The following OCA2 variants were observed in gnomAD, a reference collection of about 807,000 sequenced individuals.
OCA2 encodes the protein OCA2 melanosomal transmembrane protein.
OCA2 carries 77 observed loss-of-function variants against 100.2 expected under a neutral mutation model. The ratio of observed to expected loss-of-function variants is 0.77; its 90% confidence interval spans 0.64 to 0.93. OCA2 has a LOEUF of 0.93. OCA2 is among the 40% of genes least tolerant of loss of function. The pLI is 0.00. For synonymous variants in OCA2, 432 were observed against 439.2 expected (o/e 0.98, Z 0.21); for missense variants, 1,062 against 1,089.1 (o/e 0.98, Z 0.35).
rs748692597 is a variant in OCA2 at position 27,983,470 on chromosome 15, G to C, written c.1378C>G (p.Leu460Val). ...TPVTIRLCEV[L>V]NLDPRQVLIA... ...AGGACTTGTCTTGGATCAAGGTTGAGCACCTCACACAACCTGTCACAAATG... is the reference window on the plus strand; with the variant it reads ...AGGACTTGTCTTGGATCAAGGTTGACCACCTCACACAACCTGTCACAAATG... The change falls in exon 14 of 24, where the codon CTC (leucine) becomes GTC (valine). Residue 460 changes from leucine (L) to valine (V), a missense_variant. By Grantham distance (32) the Leu-to-Val change is conservative. Transcript: ENST00000354638. 7 of 1,614,208 alleles carry C rather than the reference G, an allele frequency of 4.3e-6. No individual in the cohort carries two copies. The East Asian group carries it at 1.6e-4, about 36-fold the overall frequency.
intron 9 of OCA2, among the ~76,000 whole-genome samples, chr15:27,995,855 C>T (rs1315034370): frequency 1.3e-5 from 2 of 151,032 alleles, no homozygotes; most frequent in African/African-American, 4.9e-5. Context: ...CTCTGTCACC[C>T]AGGCTGGAGT....
chr15:27,989,396 G>A (rs948698763), intron 11 of OCA2, among the ~76,000 whole-genome samples: 2 of 152,190 alleles, frequency 1.3e-5, no homozygotes, highest in African/African-American at 4.8e-5. Context: ...CGTCAGACAC[G>A]CCTTGGGCTG....
intron 21 of OCA2, among the ~76,000 whole-genome samples, chr15:27,865,810 C>T (rs1187263092): frequency 2.0e-5 from 3 of 152,118 alleles, no homozygotes; most frequent in Admixed American, 6.5e-5. Context: ...TGCAGAGGGA[C>T]GCATGACTGC....
Position 28,016,054 on chromosome 15 carries a change from G to A in OCA2, c.890+50C>T, listed in dbSNP as rs891497783. 4.8e-6 allele frequency: 7 copies of A among 1,446,432 alleles called. No individual in the cohort carries two copies. In the African/African-American group the frequency reaches 7.0e-5, roughly 14 times the overall value. 89.6% of individuals were successfully genotyped at this position (1,446,432 alleles called of 1,614,324 possible). On this transcript the variant is annotated intron_variant, in intron 8 of 23. Transcript: ENST00000354638. ...TCCTATAGGTCAGACTCCTTTAAAC[G>A]CACGTGTCCCAGAGAGCCTGCCCCA...
chr15:27,920,979 G>C (rs2038835827), intron 19 of OCA2, among the ~76,000 whole-genome samples: 2 of 149,268 alleles, frequency 1.3e-5, no homozygotes, highest in East Asian at 4.3e-4. Flanking sequence ...AGGAATCCCA[G>C]AAAAGGAAGA....
intron 1 of OCA2, among the ~76,000 whole-genome samples, chr15:28,092,890 G>C (rs922459356): frequency 1.3e-5 from 2 of 152,086 alleles, no homozygotes; most frequent in African/African-American, 4.8e-5. Context: ...AAGACATAGA[G>C]CTAACATTAC....
chr15:27,799,743 TA>T (rs35856122), intron 23 of OCA2, among the ~76,000 whole-genome samples: 2,299 of 84,678 alleles, frequency 0.027, 62 homozygotes, highest in African/African-American at 0.083. Flanking sequence ...AGACTCCGTC[TA>T]AAAAAAAAAA....
At chr15:27,937,122 A>C (rs1325854830) in intron 18 of OCA2, among the ~76,000 whole-genome samples, 1 of 152,178 alleles carries the variant, frequency 6.6e-6, no homozygotes, top group East Asian at 1.9e-4. Context: ...TCTGCCCTTC[A>C]CAACCAGAGA....
chr15:27,892,298 G>A (rs529826324), intron 19 of OCA2, among the ~76,000 whole-genome samples: 56 of 151,684 alleles, frequency 3.7e-4, no homozygotes, highest in African/African-American at 1.3e-3. Flanking sequence ...TTACCAAGAT[G>A]TATCATATTC....
Position 28,032,154 on chromosome 15 carries a change from A to C in OCA2, c.237T>G (p.Ser79=). ...TGGAGCTGGACATCTGGGGCAAAGA[A>C]GAGTGAGACCTGAAAGAGACAGGGT... is the stretch of plus-strand genomic sequence containing the variant. ...ASFLTKGRSH[S]SLPQMSSSRS... Residue 79 remains serine (S), a synonymous_variant, in exon 3 of 24, where the codon TCT becomes TCG. Coordinates refer to ENST00000354638, the MANE Select transcript of OCA2 (RefSeq NM_000275.3). The C allele has an allele frequency of 6.2e-7, 1 of 1,612,684 alleles. No homozygotes were observed. Among genetic ancestry groups the C allele is most frequent in the Non-Finnish European group, 8.5e-7 (1 of 1,178,650 alleles).
intron 14 of OCA2, among the ~76,000 whole-genome samples, chr15:27,975,879 G>C (rs2040948721): frequency 6.6e-6 from 1 of 152,112 alleles, no homozygotes; most frequent in Non-Finnish European, 1.5e-5. Flanking sequence ...GGAAAGAATG[G>C]ATAGCTTAAC....
At chr15:28,036,183 CTGTTG>C (rs1306113668) in intron 2 of OCA2, among the ~76,000 whole-genome samples, 2 of 152,168 alleles carry the variant, frequency 1.3e-5, no homozygotes, top group Non-Finnish European at 2.9e-5. Context: ...GACCATCTGT[CTGTTG>C]ATGGAAATTT....
At chr15:27,854,322 C>T (rs2035873815) in intron 21 of OCA2, among the ~76,000 whole-genome samples, 1 of 152,176 alleles carries the variant, frequency 6.6e-6, no homozygotes, top group African/African-American at 2.4e-5. Flanking sequence ...GAAGCTGCAG[C>T]CAGGCCGCTG....
At chr15:27,952,475 A>G (rs951875404) in intron 17 of OCA2, among the ~76,000 whole-genome samples, 6 of 152,150 alleles carry the variant, frequency 3.9e-5, no homozygotes, top group Admixed American at 6.5e-5. Flanking sequence ...GGCTCTCCCT[A>G]TGAGGCCCCA....
intron 2 of OCA2, among the ~76,000 whole-genome samples, chr15:28,057,629 CAT>C (rs561544930): frequency 5.3e-4 from 80 of 152,200 alleles, no homozygotes; most frequent in African/African-American, 1.9e-3. Flanking sequence ...CCCAAAAATA[CAT>C]ATAAGCTACT....
intron 22 of OCA2, among the ~76,000 whole-genome samples, chr15:27,846,152 G>A (rs750251687): frequency 1.2e-4 from 19 of 152,046 alleles, no homozygotes; most frequent in Non-Finnish European, 1.2e-4. Context: ...GCGAGTCTTC[G>A]GGGCAGTGCT....
intron 9 of OCA2, among the ~76,000 whole-genome samples, chr15:27,993,915 T>C (rs967005135): frequency 2.0e-5 from 3 of 152,150 alleles, no homozygotes; most frequent in Non-Finnish European, 4.4e-5. Flanking sequence ...TTAAACTACA[T>C]GGTTGTAGAA....
chr15:27,890,815 C>T (rs2037426685), intron 19 of OCA2, among the ~76,000 whole-genome samples: 1 of 152,114 alleles, frequency 6.6e-6, no homozygotes, highest in South Asian at 2.1e-4. Flanking sequence ...ATCACGAGGT[C>T]AAGAGATCAA....
rs937325655 is a variant in OCA2 at position 28,032,016 on chromosome 15, T to C, written c.326+49A>G. 3.5e-5 allele frequency: 48 copies of C among 1,383,398 alleles called. No homozygotes were observed. In the Admixed American group the frequency reaches 7.9e-4, roughly 23 times the overall value. The allele number at this position is 1,383,398 out of a possible 1,614,324, so 85.7% of individuals were successfully genotyped here. ...CAAGTTCTCCAGCATACATGCCAGG[T>C]GCAATGCTCAGAAACTCTTACTTTC... is the stretch of plus-strand genomic sequence containing the variant. On this transcript the variant is annotated intron_variant, in intron 3 of 23. Coordinates refer to ENST00000354638, the MANE Select transcript of OCA2 (RefSeq NM_000275.3).
Sources: allele counts gnomAD v4.1 joint callset (sites outside exome capture counted in the v4.1 genomes callset), GRCh38; gene constraint gnomAD v4.1.1; transcripts MANE v1.5; gene names NCBI Gene and HGNC (gene_info 2026-07-23, HGNC 2026-07-21).